CCDC178: variants seen among roughly 807,000 people sequenced by gnomAD.
The protein encoded by CCDC178 is coiled-coil domain containing 178, also known as coiled-coil domain-containing protein 178.
In CCDC178, 126 loss-of-function variants were observed where a neutral mutation model predicts 117.4. The ratio of observed to expected loss-of-function variants is 1.07; its 90% CI spans 0.93 to 1.24. The LOEUF (loss-of-function observed/expected upper bound fraction) is 1.24. CCDC178 is among the 50% of genes most tolerant of loss of function. The pLI is 0.00. For synonymous variants in CCDC178, 283 were observed against 313.4 expected (o/e 0.90, Z 1.02); for missense variants, 1,030 against 986.9 (o/e 1.04, Z -0.59).
intron 10 of CCDC178, among the ~76,000 whole-genome samples, chr18:33,325,869 GT>G (rs1182299063): frequency 1.3e-5 from 2 of 152,196 alleles, no homozygotes. Flanking sequence ...AATGAGACAA[GT>G]TAAAGTGTAC....
chr18:33,412,063 G>C lies in CCDC178; in HGVS notation c.26C>G (p.Ser9Cys). MTENKTVS[S>C]SSTRDDQTNI... is the part of the protein sequence containing the mutation. Reference sequence around the variant, plus strand: ...GGTTTGATCATCTCTAGTGGAAGAAGAGGAAACTGTCTTGTTTTCAGTCAT... The same window carrying C: ...GGTTTGATCATCTCTAGTGGAAGAACAGGAAACTGTCTTGTTTTCAGTCAT... The change falls in exon 3 of 23, where the codon TCT becomes TGT. Residue 9 changes from serine to cysteine, a missense_variant. Coordinates refer to ENST00000383096, the MANE Select transcript of CCDC178 (RefSeq NM_001105528.4). 6.6e-7 allele frequency: 1 copy of C among 1,508,936 alleles called. No individual in the cohort carries two copies. Among genetic ancestry groups the C allele is most frequent in the Non-Finnish European group, 9.1e-7 (1 of 1,095,702 alleles). The allele number at this position is 1,508,936 out of a possible 1,614,324, so 93.5% of individuals were successfully genotyped here. A position where few individuals can be genotyped will look rare whatever the true frequency, so the allele number is the denominator to read the frequency against.
chr18:33,215,449 A>T (rs1414131794), intron 19 of CCDC178, 101 bp downstream of exon 19: 1 of 751,670 alleles, frequency 1.3e-6, no homozygotes, highest in African/African-American at 1.9e-5. Flanking sequence ...TATAATTAAA[A>T]ATACGAACCA....
At chr18:33,378,832 G>C (rs1310772089) in intron 5 of CCDC178, among the ~76,000 whole-genome samples, 2 of 152,036 alleles carry the variant, frequency 1.3e-5, no homozygotes, top group Non-Finnish European at 1.5e-5. Flanking sequence ...GCTGGATTCA[G>C]TTTGCTAGTA....
chr18:33,107,946 T>C (rs942534183), intron 20 of CCDC178, among the ~76,000 whole-genome samples: 3 of 151,706 alleles, frequency 2.0e-5, no homozygotes, highest in African/African-American at 7.2e-5. Flanking sequence ...TTGTGAAAGA[T>C]AAAATTTTTT....
At chr18:33,342,549 C>A (rs926463367) in intron 9 of CCDC178, among the ~76,000 whole-genome samples, 9 of 152,194 alleles carry the variant, frequency 5.9e-5, no homozygotes, top group Non-Finnish European at 8.8e-5. Context: ...TCCAAGCTGA[C>A]ACTTTGAGCA....
intron 14 of CCDC178, among the ~76,000 whole-genome samples, chr18:33,249,148 T>C (rs1207198360): frequency 6.6e-6 from 1 of 152,112 alleles, no homozygotes; most frequent in Admixed American, 6.6e-5. Flanking sequence ...TTTGAGTTCA[T>C]TGTAGATTCT....
intron 20 of CCDC178, among the ~76,000 whole-genome samples, chr18:33,106,968 G>A (rs1308432798): frequency 6.6e-6 from 1 of 151,636 alleles, no homozygotes; most frequent in Non-Finnish European, 1.5e-5. Flanking sequence ...AAGCAGAGAC[G>A]AACAATTGCA....
At chr18:33,336,007 T>C (rs1354819680) in intron 9 of CCDC178, among the ~76,000 whole-genome samples, 1 of 152,188 alleles carries the variant, frequency 6.6e-6, no homozygotes, top group Non-Finnish European at 1.5e-5. Flanking sequence ...GTTGCCTGAC[T>C]TTACTACTAA....
chr18:32,980,650 T>A (rs2055137238), intron 21 of CCDC178, among the ~76,000 whole-genome samples: 1 of 147,318 alleles, frequency 6.8e-6, no homozygotes, highest in Non-Finnish European at 1.5e-5. Flanking sequence ...CATGGGCAAA[T>A]TATACACATA....
chr18:32,956,797 T>C (rs1282817052), intron 22 of CCDC178: 1 of 152,236 alleles, frequency 6.6e-6, no homozygotes, highest in Non-Finnish European at 1.5e-5. Flanking sequence ...TACAGAATTC[T>C]ACTAACAAGT....
intron 21 of CCDC178, among the ~76,000 whole-genome samples, chr18:33,080,847 T>C (rs566173207): frequency 6.6e-6 from 1 of 152,296 alleles, no homozygotes; most frequent in South Asian, 2.1e-4. Context: ...ATGTCTAGCA[T>C]GGTGACTGCC....
intron 12 of CCDC178, among the ~76,000 whole-genome samples, chr18:33,274,384 C>A (rs539991696): frequency 1.0e-3 from 154 of 151,970 alleles, no homozygotes; most frequent in South Asian, 7.2e-3. Context: ...TATCACATGA[C>A]CTGGCAATTC....
rs574933365 is a variant in CCDC178, at chr18:33,386,577, T to C, written c.208+2963A>G. On this transcript the variant is annotated intron_variant, in intron 5 of 22. Coordinates refer to ENST00000383096, the MANE Select transcript of CCDC178 (RefSeq NM_001105528.4). ...TGCAAGGTCAACATATGCAAATCAATAAACGTAATTTATCACATAAACAGA... is the reference window on the plus strand; with the variant it reads ...TGCAAGGTCAACATATGCAAATCAACAAACGTAATTTATCACATAAACAGA... Among the ~76,000 whole-genome samples the C allele has an allele frequency of 3.3e-5, 5 of 152,270 alleles. No homozygotes were observed. In the East Asian group the frequency reaches 9.6e-4, roughly 29 times the overall value.
intron 6 of CCDC178, among the ~76,000 whole-genome samples, chr18:33,362,072 G>C (rs552306439): frequency 2.6e-5 from 4 of 151,762 alleles, no homozygotes; most frequent in Non-Finnish European, 5.9e-5. Context: ...CGATGAATAA[G>C]TGAATAAAGA....
intron 3 of CCDC178, among the ~76,000 whole-genome samples, chr18:33,405,668 A>T (rs2063770615): frequency 6.6e-6 from 1 of 152,096 alleles, no homozygotes; most frequent in South Asian, 2.1e-4. Context: ...ATGAAAGAAT[A>T]TATTTCCTGG....
intron 20 of CCDC178, among the ~76,000 whole-genome samples, chr18:33,180,342 T>C (rs193282042): frequency 1.2e-3 from 181 of 152,056 alleles, no homozygotes; most frequent in African/African-American, 4.3e-3. Context: ...ACTTTTTTAT[T>C]AACTGGATTA....
At chr18:33,218,791 G>T (rs1012419695) in intron 18 of CCDC178, among the ~76,000 whole-genome samples, 3 of 151,918 alleles carry the variant, frequency 2.0e-5, no homozygotes, top group Non-Finnish European at 4.4e-5. Flanking sequence ...TGAGGGCTCT[G>T]CTCTGTTCCA....
intron 12 of CCDC178, among the ~76,000 whole-genome samples, chr18:33,272,569 T>C (rs1568105749): frequency 1.3e-5 from 2 of 151,620 alleles, no homozygotes; most frequent in Admixed American, 6.6e-5. Context: ...CTCACTGTGA[T>C]AGCATATCCT....
intron 20 of CCDC178, among the ~76,000 whole-genome samples, chr18:33,103,760 A>T (rs1432975538): frequency 6.6e-6 from 1 of 151,702 alleles, no homozygotes; most frequent in South Asian, 2.1e-4. Flanking sequence ...GTAGATAGAG[A>T]GGTCTGCTCA....
Sources: allele counts gnomAD v4.1 joint callset (sites outside exome capture counted in the v4.1 genomes callset), GRCh38; gene constraint gnomAD v4.1.1; transcripts MANE v1.5; gene names NCBI Gene and HGNC (gene_info 2026-07-23, HGNC 2026-07-21).